Variants in GAS7 observed in about 807,000 individuals in gnomAD.
GAS7 encodes the protein growth arrest specific 7, also known as growth arrest-specific protein 7.
GAS7 carries 28 observed loss-of-function variants against 71.1 expected under a neutral mutation model. That is an observed-to-expected ratio of 0.39 (90% CI 0.29 to 0.54). The LOEUF (loss-of-function observed/expected upper bound fraction) is 0.54. GAS7 is among the 20% of genes least tolerant of loss of function. The pLI is 0.62. For synonymous variants in GAS7, 258 were observed against 245.8 expected (o/e 1.05, Z -0.46); for missense variants, 436 against 627.8 (o/e 0.69, Z 3.27).
chr17:9,992,727 T>C (rs1360518888), intron 2 of GAS7, among the ~76,000 whole-genome samples: 1 of 151,470 alleles, frequency 6.6e-6, no homozygotes, highest in Non-Finnish European at 1.5e-5. Context: ...TAGCATTAGG[T>C]ATATCTCCCA....
chr17:10,133,122 A>ATATATATATATATATATATT (rs1392845338), intron 1 of GAS7, among the ~76,000 whole-genome samples: 11 of 118,918 alleles, frequency 9.3e-5, no homozygotes, highest in Middle Eastern at 4.5e-3. Context: ...ATATTTTTAT[A>ATATATATATATATATATATT]TTTTTTTTTT....
intron 1 of GAS7, among the ~76,000 whole-genome samples, chr17:10,048,188 G>T (rs79002715): frequency 6.6e-6 from 1 of 152,182 alleles, no homozygotes; most frequent in African/African-American, 2.4e-5. Flanking sequence ...TGTAATCCCA[G>T]CTACTTGGGA....
chr17:9,927,827 T>C (rs76331551), intron 9 of GAS7, among the ~76,000 whole-genome samples: 2,000 of 152,278 alleles, frequency 0.013, 47 homozygotes, highest in African/African-American at 0.045. Flanking sequence ...GTGGGAACTG[T>C]TGGAGACCTG....
At chr17:10,082,367 T>A (rs1389359986) in intron 1 of GAS7, among the ~76,000 whole-genome samples, 1 of 152,220 alleles carries the variant, frequency 6.6e-6, no homozygotes, top group East Asian at 1.9e-4. Context: ...CCAATGTTAA[T>A]ACTTGTCAAA....
chr17:10,156,499 A>G (rs2142113409), intron 1 of GAS7, among the ~76,000 whole-genome samples: 1 of 152,316 alleles, frequency 6.6e-6, no homozygotes, highest in African/African-American at 2.4e-5. Context: ...AGCTCTAGAA[A>G]CATCTCTGGG....
intron 3 of GAS7, among the ~76,000 whole-genome samples, chr17:9,979,688 T>C (rs936190230): frequency 6.6e-6 from 1 of 152,092 alleles, no homozygotes; most frequent in African/African-American, 2.4e-5. Context: ...GAGTCACACG[T>C]GCTGTCTCTA....
chr17:10,024,685 A>T (rs1402038166), intron 1 of GAS7, among the ~76,000 whole-genome samples: 1 of 152,132 alleles, frequency 6.6e-6, no homozygotes, highest in Non-Finnish European at 1.5e-5. Context: ...ATCCACCCTC[A>T]CCTGGGCCTC....
chr17:10,127,725 C>T (rs190601265), intron 1 of GAS7, among the ~76,000 whole-genome samples: 17 of 152,340 alleles, frequency 1.1e-4, no homozygotes, highest in African/African-American at 4.1e-4. Context: ...GAACCGACCC[C>T]AGTCTCTGTC....
At chr17:10,146,290 A>C (rs2074120371) in intron 1 of GAS7, among the ~76,000 whole-genome samples, 1 of 152,220 alleles carries the variant, frequency 6.6e-6, no homozygotes, top group South Asian at 2.1e-4. Context: ...CAACCAGTCC[A>C]TCAAACCCAC....
chr17:10,058,844 T>A (rs930513517), intron 1 of GAS7, among the ~76,000 whole-genome samples: 2 of 152,192 alleles, frequency 1.3e-5, no homozygotes, highest in Admixed American at 1.3e-4. Flanking sequence ...GTTGACAAAA[T>A]GGTCACACAG....
At chr17:9,982,518 T>C (rs903566610) in intron 2 of GAS7, among the ~76,000 whole-genome samples, 3 of 152,164 alleles carry the variant, frequency 2.0e-5, no homozygotes, top group Non-Finnish European at 4.4e-5. Flanking sequence ...GGCTCACAAC[T>C]GTAATCCCAG....
chr17:10,128,330 T>C (rs915221680), intron 1 of GAS7, among the ~76,000 whole-genome samples: 2 of 152,232 alleles, frequency 1.3e-5, no homozygotes, highest in African/African-American at 4.8e-5. Flanking sequence ...CTCTGCCTGG[T>C]TGTCCCTGTG....
At chr17:10,013,899 T>C (rs2071886790) in intron 2 of GAS7, among the ~76,000 whole-genome samples, 1 of 152,172 alleles carries the variant, frequency 6.6e-6, no homozygotes, top group Admixed American at 6.5e-5. Context: ...GGTGATCTTC[T>C]ACATCCTCAT....
intron 1 of GAS7, among the ~76,000 whole-genome samples, chr17:10,044,284 T>C (rs1394035384): frequency 2.0e-5 from 3 of 152,368 alleles, no homozygotes; most frequent in East Asian, 1.9e-4. Flanking sequence ...AGTGATGAAC[T>C]GTTCATCCAG....
In GAS7 at chr17:10,180,083, G is replaced by A. The variant is rs534544836; in HGVS notation, c.183+18125C>T. Reference sequence around the variant, plus strand: ...TGGCTGGGCGTGGTGGCTCATGGCTGTTATCCCAGCACTCTGGGAGGCCAA... The same window carrying A: ...TGGCTGGGCGTGGTGGCTCATGGCTATTATCCCAGCACTCTGGGAGGCCAA... On this transcript the variant is annotated intron_variant, in intron 1 of 13. Transcript: ENST00000432992. Among the ~76,000 whole-genome samples the A allele has an allele frequency of 4.6e-5, 7 of 152,278 alleles. No homozygotes were observed. The East Asian group carries it at 1.4e-3, about 29-fold the overall frequency.
At chr17:10,087,152 AG>A (rs1188915499) in intron 1 of GAS7, among the ~76,000 whole-genome samples, 46 of 152,230 alleles carry the variant, frequency 3.0e-4, no homozygotes, top group Non-Finnish European at 1.5e-5. Context: ...CCACCAGACC[AG>A]GAGACTGAGA....
chr17:10,006,721 T>A (rs981031459), intron 2 of GAS7, among the ~76,000 whole-genome samples: 2 of 152,130 alleles, frequency 1.3e-5, no homozygotes, highest in African/African-American at 4.8e-5. Context: ...TCCAAACAAT[T>A]TTTGAGCTAT....
At chr17:10,016,621 A>C (rs1239571101) in intron 2 of GAS7, among the ~76,000 whole-genome samples, 1 of 88,944 alleles carries the variant, frequency 1.1e-5, no homozygotes, top group Non-Finnish European at 2.5e-5. Flanking sequence ...AAAAAAAAAA[A>C]AAACAAAACA....
rs752257562 is a variant in GAS7 at position 9,916,769 on chromosome 17, T to G, written c.*459A>C. On this transcript the variant is annotated 3_prime_UTR_variant, in exon 14 of 14. Transcript: ENST00000432992. ...AAGGATTCTGGGTGCGGCTGTGAGC[T>G]GAATGGCACCTTCTACCCATGATTC... The G allele has an allele frequency of 3.8e-4, 150 of 398,632 alleles. No homozygotes were observed. The highest frequency in any genetic ancestry group is 6.1e-4 in the Non-Finnish European group (139 of 226,386). The allele number at this position is 398,632 out of a possible 1,614,324, so 24.7% of individuals were successfully genotyped here.
Sources: allele counts gnomAD v4.1 joint callset (sites outside exome capture counted in the v4.1 genomes callset), GRCh38; gene constraint gnomAD v4.1.1; transcripts MANE v1.5; gene names NCBI Gene and HGNC (gene_info 2026-07-23, HGNC 2026-07-21).